The following OTP variants were observed in gnomAD, a reference collection of about 807,000 sequenced individuals.
OTP encodes homeobox protein orthopedia.
In OTP, 5 loss-of-function variants were observed where a neutral mutation model predicts 22.3. The ratio of observed to expected loss-of-function variants is 0.22; its 90% confidence interval spans 0.12 to 0.47. The LOEUF (loss-of-function observed/expected upper bound fraction) is 0.47. Ranked by LOEUF, OTP falls within the 20% of genes least tolerant of loss-of-function variation. The pLI is 0.99. For synonymous variants in OTP, 229 were observed against 210.6 expected (o/e 1.09, Z -0.76); for missense variants, 428 against 456.2 (o/e 0.94, Z 0.56).
chr5:77,630,758 G>C lies in OTP; in HGVS notation c.484C>G (p.Arg162Gly). Residue 162 changes from arginine (R) to glycine (G), a missense_variant, in exon 3 of 3, where the codon CGC becomes GGC. This residue lies in a region of OTP where 236 missense variants were observed against 238.1 expected (regional missense o/e 0.99). Coordinates refer to ENST00000306422, the MANE Select transcript of OTP (RefSeq NM_032109.3). ...FQNRRAKWKK[R>G]KKTTNVFRAP... ...CGGAACACGTTGGTCGTCTTTTTGC[G>C]CTTCTTCCACTTGGCGCGTCGGTTC... 1 of 1,571,658 alleles carries C rather than the reference G, an allele frequency of 6.4e-7. No individual in the cohort carries two copies. Among genetic ancestry groups the C allele is most frequent in the Non-Finnish European group, 8.6e-7 (1 of 1,166,788 alleles).
rs1197018157 is a variant in OTP at position 77,638,271 on chromosome 5, AG to A, written c.37+241del. ...TTCGAAAAAAAAAAAAAGGCGGGGG[AG>A]GGGGGAAGAGAAAAATAAGAAAAAC... On this transcript the variant is annotated intron_variant, in intron 1 of 2. Coordinates refer to ENST00000306422, the MANE Select transcript of OTP (RefSeq NM_032109.3). Among the ~76,000 whole-genome samples the A allele has an allele frequency of 2.2e-5, 3 of 138,900 alleles. No homozygotes were observed. In the East Asian group the frequency reaches 6.6e-4, roughly 31 times the overall value. The allele number at this position is 138,900 out of a possible 152,430, so 91.1% of individuals were successfully genotyped here. A position where few individuals can be genotyped will look rare whatever the true frequency, so the allele number is the denominator to read the frequency against.
At chr5:77,635,054 C>A (rs924028651) in intron 2 of OTP, among the ~76,000 whole-genome samples, 3 of 152,002 alleles carry the variant, frequency 2.0e-5, no homozygotes, top group Admixed American at 6.5e-5. Flanking sequence ...ACCTCGTTTT[C>A]TTTTTTCATA....
intron 1 of OTP, among the ~76,000 whole-genome samples, chr5:77,637,663 T>C (rs1745031472): frequency 6.6e-6 from 1 of 152,186 alleles, no homozygotes. Flanking sequence ...TGACGAACTG[T>C]ACCTCCGGCC....
intron 2 of OTP, among the ~76,000 whole-genome samples, chr5:77,634,358 A>G (rs1014631962): frequency 2.0e-5 from 3 of 152,230 alleles, no homozygotes; most frequent in Non-Finnish European, 4.4e-5. Context: ...AAGAGGAGCT[A>G]TATCAGACAT....
intron 2 of OTP, among the ~76,000 whole-genome samples, chr5:77,633,989 A>G (rs55737630): frequency 0.014 from 2,111 of 152,126 alleles, 43 homozygotes; most frequent in African/African-American, 0.048. Flanking sequence ...CCATTAGAAA[A>G]CTAGAAAATA....
Position 77,630,038 on chromosome 5 carries a change from G to T in OTP, c.*226C>A. 3.8e-6 allele frequency: 1 copy of T among 260,726 alleles called. No homozygotes were observed. Among genetic ancestry groups the T allele is most frequent in the Non-Finnish European group, 7.2e-6 (1 of 139,402 alleles). 16.2% of individuals were successfully genotyped at this position (260,726 alleles called of 1,614,324 possible). ...GTGGGAAGGGAAGAGGGGCGGCCGG[G>T]AGACGGGGGACCGCGGGCGATCGAA... On this transcript the variant is annotated 3_prime_UTR_variant, in exon 3 of 3. Coordinates refer to ENST00000306422, the MANE Select transcript of OTP (RefSeq NM_032109.3).
intron 2 of OTP, chr5:77,636,519 G>A (rs1745009930): frequency 5.6e-6 from 2 of 357,760 alleles, no homozygotes; most frequent in East Asian, 9.5e-5. Flanking sequence ...CCGGGGGGGC[G>A]CTGAGGTTGC....
At position 77,630,587 on chromosome 5, in the gene OTP, G is replaced by T; in HGVS notation, c.655C>A (p.Gln219Lys). 6.4e-7 allele frequency: 1 copy of T among 1,562,142 alleles called. No homozygotes were observed. The highest frequency in any genetic ancestry group is 8.6e-7 in the Non-Finnish European group (1 of 1,159,606). Residue 219 changes from glutamine (Q) to lysine (K), a missense_variant, in exon 3 of 3, where the codon CAG becomes AAG. Physicochemically the swap from Gln to Lys is moderately conservative, Grantham distance 53 (BLOSUM62 1). Transcript: ENST00000306422. ...CCCAGCGCCGGCGGCAGAGGCAGCT[G>T]TGACACGCCAGGCATGGCGGCCGCC... is the stretch of plus-strand genomic sequence containing the variant. The part of the protein sequence containing the change: ...WAAAAMPGVS[Q>K]LPLPPALGRQ...
chr5:77,631,391 G>A (rs1744926670), intron 2 of OTP, among the ~76,000 whole-genome samples: 1 of 152,048 alleles, frequency 6.6e-6, no homozygotes, highest in Admixed American at 6.5e-5. Flanking sequence ...CTGAGCTACA[G>A]TGTTGTTTGG....
intron 1 of OTP, among the ~76,000 whole-genome samples, chr5:77,638,018 CCTT>C (rs1053876485): frequency 6.6e-6 from 1 of 152,164 alleles, no homozygotes; most frequent in African/African-American, 2.4e-5. Context: ...TGGCTTCTCT[CCTT>C]CTCAACCAGC....
rs968236150 is a variant in OTP, at chr5:77,628,923, A to G, written c.*1341T>C. ...ATCTACACAAAACATCCTATTTCAC[A>G]TATTTGTTCATTCTTAGAAAGCGCT... is the stretch of plus-strand genomic sequence containing the variant. On this transcript the variant is annotated 3_prime_UTR_variant, in exon 3 of 3. Coordinates refer to ENST00000306422, the MANE Select transcript of OTP (RefSeq NM_032109.3). 2 of 152,678 alleles carry G rather than the reference A, an allele frequency of 1.3e-5. No homozygotes were observed. Among genetic ancestry groups the G allele is most frequent in the African/African-American group, 4.8e-5 (2 of 41,458 alleles). 9.5% of individuals were successfully genotyped at this position (152,678 alleles called of 1,614,324 possible).
intron 2 of OTP, 114 bp downstream of exon 2, chr5:77,636,706 AG>A: frequency 9.6e-7 from 1 of 1,040,158 alleles, no homozygotes; most frequent in Non-Finnish European, 1.4e-6. Flanking sequence ...AGGAACGCAC[AG>A]GCAGCCTGAA....
intron 2 of OTP, among the ~76,000 whole-genome samples, chr5:77,631,600 C>T (rs1744932801): frequency 7.0e-6 from 1 of 142,840 alleles, no homozygotes; most frequent in Non-Finnish European, 1.5e-5. Context: ...GCTCTGTAGC[C>T]CAGGTTGGAG....
chr5:77,635,692 A>G (rs569483446), intron 2 of OTP, among the ~76,000 whole-genome samples: 1 of 152,188 alleles, frequency 6.6e-6, no homozygotes, highest in Non-Finnish European at 1.5e-5. Flanking sequence ...TAAGATCTTA[A>G]AGTTAATTTT....
chr5:77,637,502 C>T (rs867409125), intron 1 of OTP, among the ~76,000 whole-genome samples: 2 of 152,224 alleles, frequency 1.3e-5, no homozygotes, highest in African/African-American at 4.8e-5. Context: ...CTCCCAGTCC[C>T]GGCAATAAAA....
Position 77,636,812 on chromosome 5 carries a change from C to T in OTP, c.447+9G>A, listed in dbSNP as rs369851245. ...TTGCCTTCTGTCCCAGATCCCAAGC[C>T]CCTCGTACCTGCACTCGGGACTCGG... On this transcript the variant is annotated intron_variant, in intron 2 of 2. Coordinates refer to ENST00000306422, the MANE Select transcript of OTP (RefSeq NM_032109.3). The T allele has an allele frequency of 2.1e-5, 34 of 1,601,630 alleles. No homozygotes were observed. In the African/African-American group the frequency reaches 4.2e-4, roughly 20 times the overall value.
chr5:77,631,148 A>G (rs1344504842), intron 2 of OTP, among the ~76,000 whole-genome samples: 4 of 152,216 alleles, frequency 2.6e-5, no homozygotes, highest in African/African-American at 9.6e-5. Flanking sequence ...GCATGTGTCA[A>G]AGTTCGACCC....
At chr5:77,635,377 GT>G (rs1346704429) in intron 2 of OTP, among the ~76,000 whole-genome samples, 1 of 152,228 alleles carries the variant, frequency 6.6e-6, no homozygotes, top group African/African-American at 2.4e-5. Flanking sequence ...ACTAACACAT[GT>G]TTACAGTTAC....
rs1343016303 is a variant in OTP at position 77,636,625 on chromosome 5, G to C, written c.447+196C>G. Reference sequence around the variant, plus strand: ...GGATGTCGCTATACTGGCCGGAGACGGGCCTTGCGTGTCCATTGGGGGATG... The same window carrying C: ...GGATGTCGCTATACTGGCCGGAGACCGGCCTTGCGTGTCCATTGGGGGATG... On this transcript the variant is annotated intron_variant, in intron 2 of 2. Transcript: ENST00000306422. The C allele has an allele frequency of 1.2e-5, 7 of 560,162 alleles. No individual in the cohort carries two copies. In the Admixed American group the frequency reaches 1.7e-4, roughly 13 times the overall value. 34.7% of individuals were successfully genotyped at this position (560,162 alleles called of 1,614,324 possible).
Sources: gnomAD v4.1 joint callset for allele counts (sites outside exome capture counted in the v4.1 genomes callset) on GRCh38, gnomAD v4.1.1 for gene constraint, gnomAD v4.1.1 regional missense constraint, MANE v1.5 for transcripts, NCBI Gene and HGNC (gene_info 2026-07-23, HGNC 2026-07-21) for gene names.